RAB25: variants seen among roughly 807,000 people sequenced by gnomAD.
RAB25 encodes the protein RAB25, member RAS oncogene family.
In RAB25, 23 loss-of-function variants were observed where a neutral mutation model predicts 25.2. The observed-to-expected ratio is 0.91, with a 90% CI of 0.66 to 1.29. The LOEUF is 1.29. RAB25 is among the 50% of genes most tolerant of loss of function. RAB25 has a pLI of 0.00. For synonymous variants in RAB25, 102 were observed against 111.5 expected (o/e 0.91, Z 0.54); for missense variants, 244 against 277.3 (o/e 0.88, Z 0.85).
chr1:156,064,963 G>T (rs1473996907), intron 1 of RAB25, among the ~76,000 whole-genome samples: 1 of 152,024 alleles, frequency 6.6e-6, no homozygotes, highest in Non-Finnish European at 1.5e-5. Flanking sequence ...ACTCACATCA[G>T]CCCCCTACAC....
chr1:156,068,434 T>C lies in RAB25; in HGVS notation c.404T>C (p.Val135Ala). Reference protein sequence around the residue: ...NKSDLSQAREVPTEEARMFAE... With the variant: ...NKSDLSQAREAPTEEARMFAE... ...AGTGACCTCAGCCAGGCCCGGGAAGTGCCCACTGAGGAGGCCCGAATGTTC... is the reference window on the plus strand; with the variant it reads ...AGTGACCTCAGCCAGGCCCGGGAAGCGCCCACTGAGGAGGCCCGAATGTTC... Residue 135 changes from valine to alanine, a missense_variant, in exon 3 of 5, where the codon GTG (valine) becomes GCG (alanine). Physicochemically the swap from Val to Ala is moderately conservative, Grantham distance 64. Transcript: ENST00000361084. 1.2e-6 allele frequency: 2 copies of C among 1,613,798 alleles called. No individual in the cohort carries two copies. Among genetic ancestry groups the C allele is most frequent in the Non-Finnish European group, 1.7e-6 (2 of 1,179,968 alleles).
intron 1 of RAB25, among the ~76,000 whole-genome samples, chr1:156,063,409 C>T (rs923499854): frequency 6.6e-6 from 1 of 152,140 alleles, no homozygotes; most frequent in Admixed American, 6.5e-5. Flanking sequence ...CCTAGGCCTC[C>T]CAAAGTGCTG....
chr1:156,068,069 T>C (rs559047064), intron 2 of RAB25: 1 of 495,526 alleles, frequency 2.0e-6, no homozygotes, highest in African/African-American at 1.9e-5. Flanking sequence ...GGTGAAACTT[T>C]ACAGGCTCCA....
chr1:156,065,861 GT>G, intron 1 of RAB25, 49 bp from the exon 2 acceptor site: 2 of 1,416,342 alleles, frequency 1.4e-6, no homozygotes, highest in East Asian at 2.5e-5. Context: ...CTCAGGTGGG[GT>G]TGGAGCTGCT....
At position 156,061,332 on chromosome 1, in the gene RAB25, C is replaced by T. The variant is rs1647573185; in HGVS notation, c.-69C>T. ...TCTTTTGAGAGCTGAGGGTTGAGGG[C>T]ATTGAGCCAACACACAGATTTGTCG... On this transcript the variant is annotated 5_prime_UTR_variant, in exon 1 of 5. Coordinates refer to ENST00000361084, the MANE Select transcript of RAB25 (RefSeq NM_020387.4). 1.4e-6 allele frequency: 2 copies of T among 1,471,868 alleles called. No individual in the cohort carries two copies. The highest frequency in any genetic ancestry group is 2.8e-5 in the African/African-American group (2 of 72,056). The allele number at this position is 1,471,868 out of a possible 1,614,324, so 91.2% of individuals were successfully genotyped here. A position where few individuals can be genotyped will look rare whatever the true frequency, so the allele number is the denominator to read the frequency against.
At chr1:156,068,511 C>T (rs1382528189) in intron 3 of RAB25, 48 bp downstream of exon 3, 3 of 1,578,988 alleles carry the variant, frequency 1.9e-6, no homozygotes, top group Non-Finnish European at 2.6e-6. Context: ...CTTAGCCCAC[C>T]TTTCCCTTGC....
chr1:156,063,052 TAAAAAAAAAAA>T (rs1158919173), intron 1 of RAB25, among the ~76,000 whole-genome samples: 1 of 67,898 alleles, frequency 1.5e-5, no homozygotes, highest in African/African-American at 5.7e-5. Flanking sequence ...AGACTCTGTC[TAAAAAAAAAAA>T]AAAAAAAAAA....
intron 2 of RAB25, 196 bp downstream of exon 2, chr1:156,066,302 TAC>T: frequency 2.2e-6 from 1 of 457,862 alleles, no homozygotes. Flanking sequence ...CACTGACTAG[TAC>T]TACTAAAAGC....
chr1:156,067,853 A>T (rs769387422), intron 2 of RAB25, among the ~76,000 whole-genome samples: 12 of 152,216 alleles, frequency 7.9e-5, no homozygotes, highest in Non-Finnish European at 1.5e-4. Flanking sequence ...CCCGAGTTCA[A>T]GCAATTCTCC....
intron 4 of RAB25, 103 bp from the exon 5 acceptor site, chr1:156,070,057 C>T: frequency 6.4e-7 from 1 of 1,568,840 alleles, no homozygotes; most frequent in East Asian, 2.2e-5. Flanking sequence ...GTGTGGCCAC[C>T]CCCCATGCTC....
At chr1:156,063,703 C>T (rs1368584182) in intron 1 of RAB25, among the ~76,000 whole-genome samples, 1 of 152,226 alleles carries the variant, frequency 6.6e-6, no homozygotes, top group Non-Finnish European at 1.5e-5. Flanking sequence ...AGCCTGCACT[C>T]CCTGCAGCTT....
intron 2 of RAB25, 139 bp downstream of exon 2, chr1:156,066,245 G>A: frequency 1.4e-6 from 1 of 727,642 alleles, no homozygotes; most frequent in South Asian, 2.3e-5. Flanking sequence ...GATCACAGAA[G>A]ATAAAAGGTA....
In RAB25 at chr1:156,068,440, C is replaced by G. The variant is rs1459366517; in HGVS notation, c.410C>G (p.Thr137Ser). 3 of 1,613,466 alleles carry G rather than the reference C, an allele frequency of 1.9e-6. No homozygotes were observed. The East Asian group carries it at 6.7e-5, about 36-fold the overall frequency. The change falls in exon 3 of 5, where the codon ACT (threonine) becomes AGT (serine). Residue 137 changes from threonine (T) to serine (S), a missense_variant. By Grantham distance (58) the Thr-to-Ser change is moderately conservative. Coordinates refer to ENST00000361084, the MANE Select transcript of RAB25 (RefSeq NM_020387.4). ...SDLSQAREVPTEEARMFAENN... is the reference protein window; with the variant it reads ...SDLSQAREVPSEEARMFAENN... ...CTCAGCCAGGCCCGGGAAGTGCCCA[C>G]TGAGGAGGCCCGAATGTTCGCTGGT...
chr1:156,067,633 A>T (rs2102771129), intron 2 of RAB25, among the ~76,000 whole-genome samples: 1 of 152,362 alleles, frequency 6.6e-6, no homozygotes, highest in East Asian at 1.9e-4. Flanking sequence ...AGTTGGCTAA[A>T]GCCCAGATGT....
chr1:156,061,803 GAGAC>G (rs952979958), intron 1 of RAB25, among the ~76,000 whole-genome samples: 8 of 151,754 alleles, frequency 5.3e-5, no homozygotes, highest in African/African-American at 1.9e-4. Flanking sequence ...TTTTTTTTCT[GAGAC>G]GGAGTCTTGC....
At position 156,065,777 on chromosome 1, in the gene RAB25, T is replaced by A; in HGVS notation, c.44-134T>A. ...CATTATGCAGAGTTGCAGACTCCAG[T>A]CTCACAGGAGACTCCGTTCCCTAAT... On this transcript the variant is annotated intron_variant, in intron 1 of 4. Coordinates refer to ENST00000361084, the MANE Select transcript of RAB25 (RefSeq NM_020387.4). 3 of 647,434 alleles carry A rather than the reference T, an allele frequency of 4.6e-6. No individual in the cohort carries two copies. In the East Asian group the frequency reaches 8.9e-5, roughly 19 times the overall value. 40.1% of individuals were successfully genotyped at this position (647,434 alleles called of 1,614,324 possible).
intron 1 of RAB25, among the ~76,000 whole-genome samples, chr1:156,064,135 T>TAC (rs138319500): frequency 1.2e-4 from 18 of 151,564 alleles, no homozygotes; most frequent in Admixed American, 3.9e-4. Flanking sequence ...CACACACATA[T>TAC]ACACACACAC....
In RAB25 at chr1:156,061,230, C is replaced by T; in HGVS notation, c.-171C>T. The T allele has an allele frequency of 1.5e-6, 1 of 684,248 alleles. No homozygotes were observed. The highest frequency in any genetic ancestry group is 2.6e-6 in the Non-Finnish European group (1 of 383,638). The allele number at this position is 684,248 out of a possible 1,614,324, so 42.4% of individuals were successfully genotyped here. On this transcript the variant is annotated 5_prime_UTR_variant, in exon 1 of 5. Coordinates refer to ENST00000361084, the MANE Select transcript of RAB25 (RefSeq NM_020387.4). ...AGAGCTGATCCTCCCTAGGCCCTGC[C>T]TAACCTTGAGTTGGCCCCCAATCCC...
rs1232629835 is a variant in RAB25 at position 156,068,291 on chromosome 1, G to A, written c.261G>A (p.Gly87=). The part of the protein sequence containing the change: ...ITSAYYRGAV[G]ALLVFDLTKH... ...CCAGGTACTATCGTGGTGCAGTGGG[G>A]GCCCTCCTGGTGTTTGACCTAACCA... Residue 87 remains glycine, a synonymous_variant, in exon 3 of 5, where the codon GGG becomes GGA. Transcript: ENST00000361084. 9.9e-6 allele frequency: 16 copies of A among 1,613,252 alleles called. No individual in the cohort carries two copies. Among genetic ancestry groups the A allele is most frequent in the Non-Finnish European group, 1.4e-5 (16 of 1,179,314 alleles).
Sources: gnomAD v4.1 joint callset for allele counts (sites outside exome capture counted in the v4.1 genomes callset) on GRCh38, gnomAD v4.1.1 for gene constraint, MANE v1.5 for transcripts, NCBI Gene and HGNC (gene_info 2026-07-23, HGNC 2026-07-21) for gene names.